ZNF804B: variants seen among roughly 807,000 people sequenced by gnomAD.
ZNF804B encodes the protein zinc finger 804B.
In ZNF804B, 80 loss-of-function variants were observed where a neutral mutation model predicts 101.4. That is an observed-to-expected ratio of 0.79 (90% CI 0.66 to 0.95). ZNF804B has a LOEUF of 0.95. ZNF804B is among the 40% of genes least tolerant of loss of function. ZNF804B has a pLI of 0.00. For synonymous variants in ZNF804B, 622 were observed against 558.8 expected, an observed-to-expected ratio of 1.11 and a Z score of -1.59; for missense variants, 1,673 against 1,561.9, an observed-to-expected ratio of 1.07 and a Z score of -1.20.
At chr7:89,273,799 G>A (rs1789934874) in intron 2 of ZNF804B, among the ~76,000 whole-genome samples, 1 of 151,908 alleles carries the variant, frequency 6.6e-6, no homozygotes, top group Non-Finnish European at 1.5e-5. Context: ...TCATTTCCTA[G>A]GCCATCAGCA....
At chr7:88,835,534 T>G (rs934948283) in intron 1 of ZNF804B, among the ~76,000 whole-genome samples, 6 of 151,940 alleles carry the variant, frequency 3.9e-5, no homozygotes, top group African/African-American at 1.4e-4. Context: ...GATAAAAATG[T>G]AAGCTTAAAT....
chr7:89,155,997 T>G (rs542630246), intron 1 of ZNF804B, among the ~76,000 whole-genome samples: 1 of 128,574 alleles, frequency 7.8e-6, no homozygotes, highest in African/African-American at 2.8e-5. Context: ...CTTTCCTTCT[T>G]TCTTTCTTTC....
chr7:89,289,802 TAGGCA>T (rs1342297258), intron 2 of ZNF804B, among the ~76,000 whole-genome samples: 1 of 152,206 alleles, frequency 6.6e-6, no homozygotes, highest in East Asian at 1.9e-4. Context: ...CTCCAACTCT[TAGGCA>T]AGGCCTAGTG....
At chr7:88,796,218 A>G (rs1367200019) in intron 1 of ZNF804B, among the ~76,000 whole-genome samples, 1 of 152,118 alleles carries the variant, frequency 6.6e-6, no homozygotes, top group African/African-American at 2.4e-5. Context: ...AGTTTAAAAA[A>G]CGTTTATTCA....
intron 1 of ZNF804B, among the ~76,000 whole-genome samples, chr7:88,874,379 A>G (rs968551330): frequency 1.5e-4 from 23 of 151,342 alleles, no homozygotes; most frequent in African/African-American, 3.6e-4. Context: ...GGCTGAGACA[A>G]TGGGGTTTTC....
intron 1 of ZNF804B, among the ~76,000 whole-genome samples, chr7:88,989,813 GA>G (rs2116150722): frequency 6.6e-6 from 1 of 152,100 alleles, no homozygotes; most frequent in South Asian, 2.1e-4. Flanking sequence ...GAATCACTAC[GA>G]AATCTAAAAT....
chr7:89,242,045 A>G (rs770572824), intron 2 of ZNF804B, among the ~76,000 whole-genome samples: 1 of 151,880 alleles, frequency 6.6e-6, no homozygotes, highest in Non-Finnish European at 1.5e-5. Flanking sequence ...GCTTTTAGTT[A>G]CTTTTACTCT....
At chr7:89,105,180 T>C (rs1306917288) in intron 1 of ZNF804B, among the ~76,000 whole-genome samples, 1 of 152,152 alleles carries the variant, frequency 6.6e-6, no homozygotes. Flanking sequence ...AGGGGTTGTC[T>C]CTGAGTCTAG....
At chr7:89,306,759 T>G (rs1378793359) in intron 2 of ZNF804B, among the ~76,000 whole-genome samples, 1 of 151,946 alleles carries the variant, frequency 6.6e-6, no homozygotes, top group African/African-American at 2.4e-5. Context: ...TGGTTATAAC[T>G]TGTATATCAT....
At chr7:88,853,596 C>G (rs1791476957) in intron 1 of ZNF804B, among the ~76,000 whole-genome samples, 1 of 152,024 alleles carries the variant, frequency 6.6e-6, no homozygotes, top group Non-Finnish European at 1.5e-5. Context: ...AAATGCTTAA[C>G]TTTAAATATG....
chr7:89,271,388 C>A, intron 2 of ZNF804B, among the ~76,000 whole-genome samples: 1 of 152,140 alleles, frequency 6.6e-6, no homozygotes, highest in East Asian at 1.9e-4. Context: ...TGCATATGTT[C>A]AACCAGCCTT....
At chr7:89,102,093 T>C (rs1790063879) in intron 1 of ZNF804B, among the ~76,000 whole-genome samples, 1 of 151,990 alleles carries the variant, frequency 6.6e-6, no homozygotes, top group African/African-American at 2.4e-5. Context: ...GGGACACAGG[T>C]TGATTCCATG....
intron 1 of ZNF804B, among the ~76,000 whole-genome samples, chr7:89,045,424 T>A (rs1341554904): frequency 6.6e-6 from 1 of 152,140 alleles, no homozygotes; most frequent in Non-Finnish European, 1.5e-5. Flanking sequence ...GACCCCAGAA[T>A]GTTAGATCCA....
intron 1 of ZNF804B, among the ~76,000 whole-genome samples, chr7:89,067,328 G>A (rs148081280): frequency 5.9e-5 from 9 of 152,236 alleles, no homozygotes; most frequent in Non-Finnish European, 1.0e-4. Flanking sequence ...CCAGGCCTTC[G>A]TAGGGCTTAC....
chr7:89,275,924 G>T (rs998819809), intron 2 of ZNF804B, among the ~76,000 whole-genome samples: 6 of 151,462 alleles, frequency 4.0e-5, no homozygotes, highest in African/African-American at 1.5e-4. Context: ...CAACCCAAAC[G>T]CCCATCAGTG....
intron 1 of ZNF804B, among the ~76,000 whole-genome samples, chr7:89,155,995 C>T (rs964032592): frequency 3.9e-5 from 5 of 128,142 alleles, no homozygotes; most frequent in African/African-American, 1.4e-4. Flanking sequence ...TCCTTTCCTT[C>T]TTTCTTTCTT....
intron 1 of ZNF804B, among the ~76,000 whole-genome samples, chr7:88,807,034 A>G (rs185151934): frequency 5.3e-5 from 8 of 152,124 alleles, no homozygotes; most frequent in Non-Finnish European, 7.3e-5. Context: ...CCTTCAAAAA[A>G]CTGTTTTCTT....
intron 1 of ZNF804B, among the ~76,000 whole-genome samples, chr7:89,158,455 G>C (rs558780876): frequency 6.6e-6 from 1 of 151,898 alleles, no homozygotes; most frequent in East Asian, 1.9e-4. Context: ...TCTCTTTTCC[G>C]GTCTCAGGAC....
chr7:88,822,063 G>A (rs993594888), intron 1 of ZNF804B, among the ~76,000 whole-genome samples: 1 of 152,138 alleles, frequency 6.6e-6, no homozygotes, highest in Non-Finnish European at 1.5e-5. Context: ...AAATTAAGCT[G>A]CAACACTGTT....
Sources: gnomAD v4.1 joint callset for allele counts (sites outside exome capture counted in the v4.1 genomes callset) on GRCh38, gnomAD v4.1.1 for gene constraint, MANE v1.5 for transcripts, NCBI Gene and HGNC (gene_info 2026-07-23, HGNC 2026-07-21) for gene names.